Variants in PTPRD observed in about 807,000 individuals in gnomAD.
PTPRD encodes the protein protein tyrosine phosphatase receptor type D.
A neutral mutation model predicts 214.5 loss-of-function variants in PTPRD; 34 were observed. That is an observed-to-expected ratio of 0.16 (90% confidence interval 0.12 to 0.21). The LOEUF (loss-of-function observed/expected upper bound fraction) is 0.21, where lower values mean the gene tolerates loss of function less well. Among genes scored for constraint, PTPRD ranks in the 10% least tolerant of loss-of-function variants. PTPRD has a pLI of 1.00. For synonymous variants in PTPRD, 1,128 were observed against 845.7 expected (o/e 1.33, Z -5.79); for missense variants, 2,545 against 2,398.7 (o/e 1.06, Z -1.27).
chr9:9,719,288 G>A (rs1291956477), intron 7 of PTPRD, among the ~76,000 whole-genome samples: 2 of 152,078 alleles, frequency 1.3e-5, no homozygotes, highest in Non-Finnish European at 2.9e-5. Context: ...ACCTCCAGTT[G>A]TCCACATAAC....
At chr9:10,540,380 T>C (rs572366893) in intron 2 of PTPRD, among the ~76,000 whole-genome samples, 5 of 152,334 alleles carry the variant, frequency 3.3e-5, no homozygotes, top group Non-Finnish European at 5.9e-5. Flanking sequence ...TTCTGGGTTA[T>C]CAGTCCTAAA....
intron 7 of PTPRD, among the ~76,000 whole-genome samples, chr9:9,661,684 A>G (rs956041092): frequency 1.3e-5 from 2 of 151,862 alleles, no homozygotes; most frequent in East Asian, 3.9e-4. Context: ...TCTTGCAAAT[A>G]GCACTAGGTT....
At chr9:9,113,430 A>T (rs763775836) in intron 10 of PTPRD, among the ~76,000 whole-genome samples, 3 of 152,174 alleles carry the variant, frequency 2.0e-5, no homozygotes, top group Non-Finnish European at 4.4e-5. Flanking sequence ...CCAGTATTAT[A>T]GTAAAGACTG....
chr9:10,383,262 CTAGT>C (rs2097854695), intron 2 of PTPRD, among the ~76,000 whole-genome samples: 1 of 151,850 alleles, frequency 6.6e-6, no homozygotes, highest in South Asian at 2.1e-4. Flanking sequence ...TTTTCAAACA[CTAGT>C]TAAACATCAA....
intron 11 of PTPRD, among the ~76,000 whole-genome samples, chr9:8,834,405 T>C (rs999056166): frequency 2.1e-5 from 3 of 142,450 alleles, no homozygotes; most frequent in Non-Finnish European, 4.6e-5. Context: ...TCAGCACCTA[T>C]ACAAAAATAG....
intron 10 of PTPRD, among the ~76,000 whole-genome samples, chr9:9,179,357 C>CA (rs2099926770): frequency 6.6e-6 from 1 of 152,046 alleles, no homozygotes; most frequent in Non-Finnish European, 1.5e-5. Flanking sequence ...CACATATTTC[C>CA]AAATGCAGAC....
intron 3 of PTPRD, among the ~76,000 whole-genome samples, chr9:10,321,858 T>C (rs2096558870): frequency 6.6e-6 from 1 of 152,020 alleles, no homozygotes; most frequent in East Asian, 1.9e-4. Context: ...GTTTCAGTTT[T>C]TTTCGGAAGA....
At position 8,930,163 on chromosome 9, in the gene PTPRD, A is replaced by C. The variant is rs1390184090; in HGVS notation, c.-104+88534T>G. On this transcript the variant is annotated intron_variant, in intron 11 of 45. Coordinates refer to ENST00000381196, the MANE Select transcript of PTPRD (RefSeq NM_002839.4). ...GTGTGATGTTCCCCTTCCTGTGTCC[A>C]AGTGTTCTTATTGTTCAATTCCCAC... Among the ~76,000 whole-genome samples the C allele has an allele frequency of 1.5e-4, 21 of 139,214 alleles. 1 individual carries two copies. The highest frequency in any genetic ancestry group is 1.1e-3 in the Admixed American group (14 of 13,314). 91.3% of individuals were successfully genotyped at this position (139,214 alleles called of 152,430 possible).
intron 11 of PTPRD, among the ~76,000 whole-genome samples, chr9:8,894,023 A>G (rs958208055): frequency 3.9e-5 from 6 of 152,160 alleles, no homozygotes; most frequent in African/African-American, 1.4e-4. Flanking sequence ...GCACACCCGA[A>G]GATACGCACA....
chr9:9,856,360 G>A lies in PTPRD; in HGVS notation c.-368+82147C>T, dbSNP rs79994567. Among the ~76,000 whole-genome samples, 94 of 152,240 alleles carry A rather than the reference G, an allele frequency of 6.2e-4. No individual in the cohort carries two copies. The East Asian group carries it at 0.015, about 24-fold the overall frequency. ...ATAGAAGTTCTCACTTTGAGCCACG[G>A]TCTCAGGGTTTTTGGCTTGAGGGTA... On this transcript the variant is annotated intron_variant, in intron 5 of 45. Transcript: ENST00000381196.
intron 12 of PTPRD, among the ~76,000 whole-genome samples, chr9:8,727,117 TAATAAG>T (rs138045569): frequency 2.4e-3 from 358 of 152,254 alleles, no homozygotes; most frequent in African/African-American, 8.2e-3. Context: ...CTATTACAAA[TAATAAG>T]AATTAGTTCA....
chr9:9,993,776 G>A lies in PTPRD; in HGVS notation c.-472+39942C>T, dbSNP rs1452472147. Among the ~76,000 whole-genome samples the A allele has an allele frequency of 6.8e-5, 3 of 44,124 alleles. No individual in the cohort carries two copies. In the East Asian group the frequency reaches 8.1e-4, roughly 12 times the overall value. The allele number at this position is 44,124 out of a possible 152,430, so 28.9% of individuals were successfully genotyped here. On this transcript the variant is annotated intron_variant, in intron 4 of 45. Coordinates refer to ENST00000381196, the MANE Select transcript of PTPRD (RefSeq NM_002839.4). Reference sequence around the variant, plus strand: ...ATGAGTTAGACATCTGTGATTTTTTGCAATTTTTCTGTTATACTTGAATTA... The same window carrying A: ...ATGAGTTAGACATCTGTGATTTTTTACAATTTTTCTGTTATACTTGAATTA...
chr9:8,712,646 C>G (rs2098364127), intron 12 of PTPRD, among the ~76,000 whole-genome samples: 1 of 151,168 alleles, frequency 6.6e-6, no homozygotes, highest in African/African-American at 2.4e-5. Context: ...AACAGCTGAT[C>G]TCCTACATAT....
chr9:8,803,853 A>G (rs542692291), intron 11 of PTPRD, among the ~76,000 whole-genome samples: 1 of 152,170 alleles, frequency 6.6e-6, no homozygotes, highest in Non-Finnish European at 1.5e-5. Context: ...CCATGTGCAA[A>G]ACCTATTTAT....
chr9:10,487,826 TAGA>T (rs902434848), intron 2 of PTPRD, among the ~76,000 whole-genome samples: 1 of 141,008 alleles, frequency 7.1e-6, no homozygotes, highest in African/African-American at 2.6e-5. Context: ...CTATTATTTT[TAGA>T]AGAACTTTTT....
intron 11 of PTPRD, among the ~76,000 whole-genome samples, chr9:8,926,686 T>A (rs2098897203): frequency 6.6e-6 from 1 of 152,196 alleles, no homozygotes; most frequent in Admixed American, 6.5e-5. Context: ...CTGTCAGGAT[T>A]TGTATTTCTT....
intron 9 of PTPRD, among the ~76,000 whole-genome samples, chr9:9,378,390 G>C (rs2061358074): frequency 6.6e-6 from 1 of 151,706 alleles, no homozygotes; most frequent in African/African-American, 2.4e-5. Context: ...GTATTCCATT[G>C]TCTGGATATA....
At chr9:10,177,515 T>C (rs181584350) in intron 3 of PTPRD, among the ~76,000 whole-genome samples, 3 of 149,746 alleles carry the variant, frequency 2.0e-5, no homozygotes, top group Admixed American at 2.0e-4. Context: ...GGTGGCAGTA[T>C]AGAAAACAAA....
intron 30 of PTPRD, among the ~76,000 whole-genome samples, chr9:8,477,538 A>G (rs1474807626): frequency 6.6e-6 from 1 of 152,160 alleles, no homozygotes; most frequent in Non-Finnish European, 1.5e-5. Flanking sequence ...GTGTATTAGC[A>G]TTCTCAAACA....
Sources: allele counts gnomAD v4.1 joint callset (sites outside exome capture counted in the v4.1 genomes callset), GRCh38; gene constraint gnomAD v4.1.1; transcripts MANE v1.5; gene names NCBI Gene and HGNC (gene_info 2026-07-23, HGNC 2026-07-21).